The following LINGO2 variants were observed in gnomAD, a reference collection of about 807,000 sequenced individuals.
LINGO2 encodes the protein leucine rich repeat and Ig domain containing 2.
Under a neutral mutation model 30.6 loss-of-function variants are expected in LINGO2, and 14 were observed. The ratio of observed to expected loss-of-function variants is 0.46; its 90% CI spans 0.30 to 0.72. The LOEUF is 0.72. Among genes scored for constraint, LINGO2 ranks in the 30% least tolerant of loss-of-function variants. The pLI, the probability that LINGO2 is intolerant of heterozygous loss-of-function variation, is 0.07. For missense variants in LINGO2, 729 were observed against 751.7 expected, an observed-to-expected ratio of 0.97 and a Z score of 0.35; for synonymous variants, 317 against 288.5, an observed-to-expected ratio of 1.10 and a Z score of -1.00.
rs191651024 is a variant in LINGO2, at chr9:28,493,094, C to A, written c.-364-17069G>T. On this transcript the variant is annotated intron_variant, in intron 1 of 5. Coordinates refer to ENST00000379992, the Ensembl canonical transcript of LINGO2. ...AAAGGAAACAAGTATCCCCTGTCATCCTCATCCACAGTCCTTAGTTTGTGG... is the reference window on the plus strand; with the variant it reads ...AAAGGAAACAAGTATCCCCTGTCATACTCATCCACAGTCCTTAGTTTGTGG... Among the ~76,000 whole-genome samples, 4 of 152,218 alleles carry A rather than the reference C, an allele frequency of 2.6e-5. No individual in the cohort carries two copies. The East Asian group carries it at 7.7e-4, about 29-fold the overall frequency.
At chr9:28,278,420 C>G (rs1028675929) in intron 4 of LINGO2, among the ~76,000 whole-genome samples, 1 of 152,190 alleles carries the variant, frequency 6.6e-6, no homozygotes, top group African/African-American at 2.4e-5. Context: ...TGTCTGGCTA[C>G]AAAGCCTCAA....
intron 1 of LINGO2, among the ~76,000 whole-genome samples, chr9:28,486,697 A>T (rs1451239472): frequency 7.4e-6 from 1 of 135,616 alleles, no homozygotes; most frequent in African/African-American, 2.5e-5. Flanking sequence ...CCTCCAAACA[A>T]ATGGTACTTC....
chr9:28,340,217 C>A (rs566402960), intron 3 of LINGO2, among the ~76,000 whole-genome samples: 1 of 152,224 alleles, frequency 6.6e-6, no homozygotes, highest in Non-Finnish European at 1.5e-5. Context: ...TCTTTGTATA[C>A]ATAAGATGGA....
the LINGO2 span, among the ~76,000 whole-genome samples, chr9:28,751,871 G>A: frequency 0.053 from 8,116 of 151,928 alleles, 324 homozygotes; most frequent in East Asian, 0.16. Context: ...CACCCATGAC[G>A]ATATTCTTGC....
the LINGO2 span, among the ~76,000 whole-genome samples, chr9:29,155,537 G>C: frequency 6.9e-6 from 1 of 143,912 alleles, no homozygotes; most frequent in Admixed American, 7.0e-5. Flanking sequence ...TATTCTTTTA[G>C]AAAACTGTGA....
At chr9:29,055,944 A>ATATATATATGTG in the LINGO2 span, among the ~76,000 whole-genome samples, 1 of 149,150 alleles carries the variant, frequency 6.7e-6, no homozygotes, top group African/African-American at 2.5e-5. Flanking sequence ...GTGTGTGTAT[A>ATATATATATGTG]TATACATATA....
intron 5 of LINGO2, among the ~76,000 whole-genome samples, chr9:27,974,811 G>T (rs1202172721): frequency 1.3e-5 from 2 of 152,158 alleles, no homozygotes; most frequent in Non-Finnish European, 2.9e-5. Context: ...CTTAGAGAAA[G>T]AAAGGGTCGA....
intron 2 of LINGO2, among the ~76,000 whole-genome samples, chr9:28,449,997 C>A (rs545903570): frequency 6.6e-6 from 1 of 151,962 alleles, no homozygotes; most frequent in African/African-American, 2.4e-5. Context: ...GTAGGCACAC[C>A]ATTCCGCATT....
intron 4 of LINGO2, among the ~76,000 whole-genome samples, chr9:28,032,234 C>A (rs1186273159): frequency 6.6e-6 from 1 of 152,026 alleles, no homozygotes; most frequent in East Asian, 1.9e-4. Flanking sequence ...GATAAAAACC[C>A]AGGTCCAGGT....
chr9:28,245,457 A>G (rs186021891), intron 4 of LINGO2, among the ~76,000 whole-genome samples: 1 of 152,294 alleles, frequency 6.6e-6, no homozygotes, highest in African/African-American at 2.4e-5. Flanking sequence ...AGCCAGGGCA[A>G]TCAGGCAAGA....
intron 5 of LINGO2, among the ~76,000 whole-genome samples, chr9:27,997,786 G>T (rs971324284): frequency 1.9e-4 from 29 of 152,180 alleles, no homozygotes; most frequent in African/African-American, 7.0e-4. Context: ...TAAATGGGTC[G>T]AAAGCAAGTT....
the LINGO2 span, among the ~76,000 whole-genome samples, chr9:28,783,796 G>C: frequency 6.6e-6 from 1 of 152,176 alleles, no homozygotes; most frequent in Non-Finnish European, 1.5e-5. Flanking sequence ...GACTTAAATA[G>C]TAGAAATTTA....
intron 4 of LINGO2, among the ~76,000 whole-genome samples, chr9:28,044,704 A>G (rs1486337783): frequency 6.6e-6 from 1 of 152,156 alleles, no homozygotes; most frequent in Non-Finnish European, 1.5e-5. Flanking sequence ...CCAAACGAGC[A>G]GAGAGATGTG....
the LINGO2 span, among the ~76,000 whole-genome samples, chr9:28,889,241 G>T: frequency 6.6e-6 from 1 of 152,040 alleles, no homozygotes; most frequent in African/African-American, 2.4e-5. Flanking sequence ...CATTAGTCCA[G>T]TTCACTTTCA....
Position 28,411,801 on chromosome 9 carries a change from A to G in LINGO2, c.-278-38933T>C, listed in dbSNP as rs535857068. On this transcript the variant is annotated intron_variant, in intron 2 of 5. Transcript: ENST00000379992. ...ATGTACCCAGAAGGGATATTGCTGG[A>G]TAACTGGTAAATCTATCTTTAAGTC... Among the ~76,000 whole-genome samples, 8 of 152,206 alleles carry G rather than the reference A, an allele frequency of 5.3e-5. No individual in the cohort carries two copies. The East Asian group carries it at 1.4e-3, about 26-fold the overall frequency.
intron 4 of LINGO2, among the ~76,000 whole-genome samples, chr9:28,120,787 C>T (rs1263018721): frequency 6.6e-6 from 1 of 152,126 alleles, no homozygotes; most frequent in Non-Finnish European, 1.5e-5. Context: ...TGAGGAAAAG[C>T]CTACTGTTTC....
At chr9:27,988,300 C>T (rs986486536) in intron 5 of LINGO2, among the ~76,000 whole-genome samples, 1 of 152,034 alleles carries the variant, frequency 6.6e-6, no homozygotes, top group East Asian at 1.9e-4. Flanking sequence ...AATAGTGCCA[C>T]AATAAACATA....
the LINGO2 span, among the ~76,000 whole-genome samples, chr9:29,135,155 T>G: frequency 1.3e-5 from 2 of 152,216 alleles, no homozygotes; most frequent in African/African-American, 4.8e-5. Flanking sequence ...ATAATTTTCA[T>G]GTATTAATTG....
At chr9:28,119,196 G>A (rs1478612710) in intron 4 of LINGO2, among the ~76,000 whole-genome samples, 2 of 152,244 alleles carry the variant, frequency 1.3e-5, no homozygotes, top group African/African-American at 4.8e-5. Flanking sequence ...TTAGCATGTA[G>A]GTCAGTAACC....
Sources: allele counts gnomAD v4.1 joint callset (sites outside exome capture counted in the v4.1 genomes callset), GRCh38; gene constraint gnomAD v4.1.1; transcripts MANE v1.5; gene names NCBI Gene and HGNC (gene_info 2026-07-23, HGNC 2026-07-21).